RNF220: variants seen among roughly 807,000 people sequenced by gnomAD.
RNF220 encodes ring finger protein 220.
RNF220 carries 7 observed loss-of-function variants against 67.1 expected under a neutral mutation model. That is an observed-to-expected ratio of 0.10 (90% CI 0.06 to 0.20). RNF220 has a LOEUF of 0.20. Ranked by LOEUF, RNF220 falls within the 10% of genes least tolerant of loss-of-function variation. The pLI is 1.00. For missense variants in RNF220, 565 were observed against 740.3 expected (o/e 0.76, Z 2.75); for synonymous variants, 270 against 283.2 (o/e 0.95, Z 0.47).
chr1:44,588,237 G>A (rs924169218), intron 2 of RNF220, among the ~76,000 whole-genome samples: 1 of 152,216 alleles, frequency 6.6e-6, no homozygotes, highest in South Asian at 2.1e-4. Context: ...TCAGCAGGAC[G>A]GCAGCTCCCA....
At chr1:44,503,333 C>CAAAAAAAAAAAAAAAA (rs34103792) in intron 2 of RNF220, among the ~76,000 whole-genome samples, 1 of 84,498 alleles carries the variant, frequency 1.2e-5, no homozygotes. Context: ...GATGCTGTCT[C>CAAAAAAAAAAAAAAAA]AAAAAAAAAA....
intron 5 of RNF220, among the ~76,000 whole-genome samples, chr1:44,630,698 A>T (rs992883567): frequency 6.6e-6 from 1 of 152,260 alleles, no homozygotes; most frequent in African/African-American, 2.4e-5. Flanking sequence ...CTGAAGGATG[A>T]ACAACAGTTA....
intron 1 of RNF220, 98 bp from the exon 2 acceptor site, chr1:44,411,883 G>A: frequency 1.8e-6 from 1 of 544,580 alleles, no homozygotes; most frequent in Non-Finnish European, 3.3e-6. Context: ...GAGCATCTGT[G>A]AGCCAGAAGG....
At chr1:44,512,500 G>A (rs533178562) in intron 2 of RNF220, among the ~76,000 whole-genome samples, 1 of 152,276 alleles carries the variant, frequency 6.6e-6, no homozygotes, top group South Asian at 2.1e-4. Context: ...AATGGGGACG[G>A]CCCCTAAGGG....
At chr1:44,457,992 C>T (rs1572563178) in intron 2 of RNF220, among the ~76,000 whole-genome samples, 1 of 152,212 alleles carries the variant, frequency 6.6e-6, no homozygotes, top group East Asian at 1.9e-4. Flanking sequence ...TGTGATGGCT[C>T]ACGCCTGTAA....
chr1:44,536,689 C>T (rs1188806803), intron 2 of RNF220, among the ~76,000 whole-genome samples: 3 of 152,194 alleles, frequency 2.0e-5, no homozygotes, highest in African/African-American at 7.2e-5. Flanking sequence ...AAAAGGCCCC[C>T]CTCTGCTGCT....
At chr1:44,414,340 T>A (rs1443754767) in intron 2 of RNF220, among the ~76,000 whole-genome samples, 1 of 152,212 alleles carries the variant, frequency 6.6e-6, no homozygotes, top group Non-Finnish European at 1.5e-5. Context: ...TTCCGCCCCT[T>A]TTTTTCTCCA....
intron 2 of RNF220, among the ~76,000 whole-genome samples, chr1:44,612,468 C>G (rs1333897358): frequency 6.6e-6 from 1 of 152,212 alleles, no homozygotes; most frequent in African/African-American, 2.4e-5. Flanking sequence ...GTCCTCAAAA[C>G]TCACAGCCAA....
At chr1:44,567,424 G>A (rs1187559282) in intron 2 of RNF220, among the ~76,000 whole-genome samples, 1 of 152,082 alleles carries the variant, frequency 6.6e-6, no homozygotes, top group Non-Finnish European at 1.5e-5. Context: ...ACCTGAAGGG[G>A]ACCTTTTCTC....
intron 2 of RNF220, among the ~76,000 whole-genome samples, chr1:44,526,049 TC>T (rs1184119645): frequency 6.6e-6 from 1 of 152,300 alleles, no homozygotes; most frequent in Non-Finnish European, 1.5e-5. Context: ...GACCCTTTGA[TC>T]AACATCTTTA....
chr1:44,566,847 A>G (rs1664060823), intron 2 of RNF220, among the ~76,000 whole-genome samples: 1 of 152,186 alleles, frequency 6.6e-6, no homozygotes, highest in Non-Finnish European at 1.5e-5. Flanking sequence ...AGAGGTCACT[A>G]TGGCCACTCA....
At chr1:44,449,573 C>G (rs1364598654) in intron 2 of RNF220, among the ~76,000 whole-genome samples, 1 of 152,058 alleles carries the variant, frequency 6.6e-6, no homozygotes, top group Non-Finnish European at 1.5e-5. Context: ...GCCACCATGC[C>G]CAGCTAATTG....
At chr1:44,514,474 G>T (rs1414949065) in intron 2 of RNF220, among the ~76,000 whole-genome samples, 1 of 152,222 alleles carries the variant, frequency 6.6e-6, no homozygotes. Flanking sequence ...CCCTGGTTCA[G>T]AATGGTTTAG....
intron 2 of RNF220, among the ~76,000 whole-genome samples, chr1:44,497,983 CCA>C (rs1248276197): frequency 6.6e-6 from 1 of 152,178 alleles, no homozygotes; most frequent in Admixed American, 6.5e-5. Context: ...TAAGCAAAAA[CCA>C]GTGGGGAAAA....
rs11210992 is a variant in RNF220, at chr1:44,412,877, T to C, written c.625+155T>C. On this transcript the variant is annotated intron_variant, in intron 2 of 14. Coordinates refer to ENST00000361799, the MANE Select transcript of RNF220 (RefSeq NM_018150.4). This position sits in a 1 kb window ranked among gnomAD's most constrained non-coding sequence, Gnocchi z 5.3. ...TGGAGTGCTAACCTTTGCTTGTCTC[T>C]TATCAGTGAGCACTGATAGTTCTTG... Among the ~76,000 whole-genome samples the C allele has an allele frequency of 0.43, 64,851 of 151,986 alleles. 16,092 individuals carry two copies. The highest frequency in any genetic ancestry group is 0.56 in the Non-Finnish European group (38,163 of 67,942).
chr1:44,589,457 A>G (rs968510750), intron 2 of RNF220, among the ~76,000 whole-genome samples: 21 of 152,210 alleles, frequency 1.4e-4, no homozygotes, highest in African/African-American at 4.8e-4. Flanking sequence ...TACTAAAAAT[A>G]CGAAAAATTA....
chr1:44,489,092 A>G (rs17381720), intron 2 of RNF220, among the ~76,000 whole-genome samples: 25 of 151,856 alleles, frequency 1.6e-4, no homozygotes, highest in African/African-American at 6.0e-4. Context: ...TCATCCTTCA[A>G]TAATGGATCT....
intron 2 of RNF220, among the ~76,000 whole-genome samples, chr1:44,435,749 G>T (rs1197323904): frequency 6.6e-6 from 1 of 152,086 alleles, no homozygotes; most frequent in Non-Finnish European, 1.5e-5. Flanking sequence ...GACCAATATG[G>T]TGAAACCTCG....
chr1:44,463,546 T>G (rs1033071749), intron 2 of RNF220, among the ~76,000 whole-genome samples: 1 of 152,102 alleles, frequency 6.6e-6, no homozygotes, highest in Non-Finnish European at 1.5e-5. Flanking sequence ...TTCTTTTTTT[T>G]TTTAAGAGAG....
Sources: allele counts gnomAD v4.1 joint callset (sites outside exome capture counted in the v4.1 genomes callset), GRCh38; gene constraint gnomAD v4.1.1; non-coding constraint Gnocchi (gnomAD v3.1); transcripts MANE v1.5; gene names NCBI Gene and HGNC (gene_info 2026-07-23, HGNC 2026-07-21).